Variants in KCNK12 observed in about 807,000 individuals in gnomAD.
KCNK12 encodes the protein potassium channel subfamily K member 12.
KCNK12 carries 6 observed loss-of-function variants against 25.3 expected under a neutral mutation model. The ratio of observed to expected loss-of-function variants is 0.24; its 90% CI spans 0.13 to 0.47. KCNK12 has a LOEUF of 0.47. Ranked by LOEUF, KCNK12 falls within the 20% of genes least tolerant of loss-of-function variation. The pLI, the probability that KCNK12 is intolerant of heterozygous loss-of-function variation, is 0.99. For synonymous variants in KCNK12, 331 were observed against 311.1 expected (o/e 1.06, Z -0.67); for missense variants, 444 against 661.7 (o/e 0.67, Z 3.61).
rs1558541694 is a variant in KCNK12 at position 47,511,990 on chromosome 2, T to C, written c.*8917A>G. Reference sequence around the variant, plus strand: ...TGGACTGTGCAGTTCTGGAGAATGGTACTTTACTTGTCCTTGGGGAAGCAG... The same window carrying C: ...TGGACTGTGCAGTTCTGGAGAATGGCACTTTACTTGTCCTTGGGGAAGCAG... On this transcript the variant is annotated 3_prime_UTR_variant, in exon 2 of 2. Transcript: ENST00000327876. The surrounding 1 kb of genome is among the most constrained non-coding windows in gnomAD (Gnocchi z 4.3). Among the ~76,000 whole-genome samples the C allele has an allele frequency of 1.3e-5, 2 of 152,150 alleles. No individual in the cohort carries two copies. Among genetic ancestry groups the C allele is most frequent in the African/African-American group, 4.8e-5 (2 of 41,436 alleles).
At position 47,557,260 on chromosome 2, in the gene KCNK12, G is replaced by T. The variant is rs1387933171; in HGVS notation, c.391+12681C>A. Among the ~76,000 whole-genome samples, 3 of 152,138 alleles carry T rather than the reference G, an allele frequency of 2.0e-5. No individual in the cohort carries two copies. Among genetic ancestry groups the T allele is most frequent in the Non-Finnish European group, 4.4e-5 (3 of 68,018 alleles). ...GATTAATGTCATCATCACTGGAGTG[G>T]GTTGGTTATTGCGGGAGTGGGCTCC... On this transcript the variant is annotated intron_variant, in intron 1 of 1. Transcript: ENST00000327876. The surrounding 1 kb of genome is among the most constrained non-coding windows in gnomAD (Gnocchi z 4.9).
rs747297053 is a variant in KCNK12, at chr2:47,525,521, G to A, written c.392-3713C>T. 3.3e-5 allele frequency among the ~76,000 whole-genome samples: 5 copies of A among 152,204 alleles called. No homozygotes were observed. The highest frequency in any genetic ancestry group is 5.9e-5 in the Non-Finnish European group (4 of 68,020). ...TTCTCTGGGTGGGAGGCTGACTGGG[G>A]CAGCCCCCACAGGCAGGGGAGGAAG... On this transcript the variant is annotated intron_variant, in intron 1 of 1. Coordinates refer to ENST00000327876, the MANE Select transcript of KCNK12 (RefSeq NM_022055.2). The surrounding 1 kb of genome is among the most constrained non-coding windows in gnomAD (Gnocchi z 4.1).
At chr2:47,535,023 G>A in intron 1 of KCNK12, 1 of 227,906 alleles carries the variant, frequency 4.4e-6, no homozygotes, top group Non-Finnish European at 8.7e-6. Context: ...CCACATCTGG[G>A]GGCGCTCAGT....
chr2:47,550,638 C>T (rs982067725), intron 1 of KCNK12, among the ~76,000 whole-genome samples: 2 of 152,068 alleles, frequency 1.3e-5, no homozygotes, highest in Non-Finnish European at 2.9e-5. Context: ...CCGCCTCGGC[C>T]TCCCAAAGTG....
At chr2:47,541,242 C>T (rs1325011758) in intron 1 of KCNK12, among the ~76,000 whole-genome samples, 1 of 152,204 alleles carries the variant, frequency 6.6e-6, no homozygotes, top group Non-Finnish European at 1.5e-5. Context: ...CTGTTGGGAG[C>T]CTGCTATGGC....
Position 47,514,250 on chromosome 2 carries a change from G to A in KCNK12, c.*6657C>T, listed in dbSNP as rs1343960620. ...CTGAGAGCCTTCTCTGCCTACCCAG[G>A]CTGGGTGGCTGCCTCTCTTTGGTGT... On this transcript the variant is annotated 3_prime_UTR_variant, in exon 2 of 2. Transcript: ENST00000327876. This position sits in a 1 kb window ranked among gnomAD's most constrained non-coding sequence, Gnocchi z 5.0. Among the ~76,000 whole-genome samples the A allele has an allele frequency of 6.6e-6, 1 of 152,228 alleles. No homozygotes were observed. Among genetic ancestry groups the A allele is most frequent in the Non-Finnish European group, 1.5e-5 (1 of 68,050 alleles).
In KCNK12 at chr2:47,548,669, C is replaced by A. The variant is rs1313259569; in HGVS notation, c.391+21272G>T. On this transcript the variant is annotated intron_variant, in intron 1 of 1. Coordinates refer to ENST00000327876, the MANE Select transcript of KCNK12 (RefSeq NM_022055.2). The surrounding 1 kb of genome is among the most constrained non-coding windows in gnomAD (Gnocchi z 4.4). The stretch of plus-strand genomic sequence containing the variant: ...AGACTTCCCTCCCACCATAATCAAC[C>A]AGGAAACCGGAAAAAGTCTATGAGA... Among the ~76,000 whole-genome samples, 2 of 152,220 alleles carry A rather than the reference C, an allele frequency of 1.3e-5. No individual in the cohort carries two copies. Among genetic ancestry groups the A allele is most frequent in the African/African-American group, 4.8e-5 (2 of 41,450 alleles).
rs369292759 is a variant in KCNK12, at chr2:47,553,171, C to T, written c.391+16770G>A. 4.2e-4 allele frequency among the ~76,000 whole-genome samples: 64 copies of T among 152,348 alleles called. 1 individual carries two copies. In the South Asian group the frequency reaches 0.013, roughly 30 times the overall value. ...GACCTCATTGCAAGAGTATATAGCT[C>T]TTCAGTCCAATGTGACGAATTCTGC... On this transcript the variant is annotated intron_variant, in intron 1 of 1. Coordinates refer to ENST00000327876, the MANE Select transcript of KCNK12 (RefSeq NM_022055.2).
At chr2:47,561,490 CA>C (rs2104885355) in intron 1 of KCNK12, among the ~76,000 whole-genome samples, 1 of 152,282 alleles carries the variant, frequency 6.6e-6, no homozygotes, top group South Asian at 2.1e-4. Flanking sequence ...TGCCACACAG[CA>C]GGGGGGCTGA....
intron 1 of KCNK12, 51 bp from the exon 2 acceptor site, chr2:47,521,859 C>T (rs1295335147): frequency 6.9e-7 from 1 of 1,441,748 alleles, no homozygotes; most frequent in Non-Finnish European, 9.1e-7. Context: ...AGGTGGTCCT[C>T]ACTGGGCGAG....
intron 1 of KCNK12, among the ~76,000 whole-genome samples, chr2:47,532,137 G>T (rs1156764141): frequency 6.6e-6 from 1 of 151,748 alleles, no homozygotes; most frequent in African/African-American, 2.4e-5. Context: ...AGGCATTAGG[G>T]ATACAGCTTT....
At position 47,515,167 on chromosome 2, in the gene KCNK12, C is replaced by G. The variant is rs187006275; in HGVS notation, c.*5740G>C. The stretch of plus-strand genomic sequence containing the variant: ...AACAGAGAGGAGAGCTGATGGGTGA[C>G]GAGAAATCAGGCCTCTCCGCCACGG... On this transcript the variant is annotated 3_prime_UTR_variant, in exon 2 of 2. Coordinates refer to ENST00000327876, the MANE Select transcript of KCNK12 (RefSeq NM_022055.2). 1.4e-4 allele frequency among the ~76,000 whole-genome samples: 22 copies of G among 152,262 alleles called. No individual in the cohort carries two copies. Among genetic ancestry groups the G allele is most frequent in the Non-Finnish European group, 2.9e-4 (20 of 68,022 alleles).
At chr2:47,554,504 C>T (rs995297651) in intron 1 of KCNK12, among the ~76,000 whole-genome samples, 1 of 152,182 alleles carries the variant, frequency 6.6e-6, no homozygotes, top group African/African-American at 2.4e-5. Context: ...GCAGCAGGAA[C>T]AGCAAGTGTT....
In KCNK12 at chr2:47,509,329, A is replaced by G. The variant is rs1236292099; in HGVS notation, c.*11578T>C. Among the ~76,000 whole-genome samples, 1 of 152,216 alleles carries G rather than the reference A, an allele frequency of 6.6e-6. No individual in the cohort carries two copies. The highest frequency in any genetic ancestry group is 1.5e-5 in the Non-Finnish European group (1 of 68,040). On this transcript the variant is annotated 3_prime_UTR_variant, in exon 2 of 2. Coordinates refer to ENST00000327876, the MANE Select transcript of KCNK12 (RefSeq NM_022055.2). The stretch of plus-strand genomic sequence containing the variant: ...AAAAAGTTTTATTGCCAAACAGGAA[A>G]CCTGATTCAGGCCAGGGTCTTGGAA...
chr2:47,512,303 A>T lies in KCNK12; in HGVS notation c.*8604T>A. The stretch of plus-strand genomic sequence containing the variant: ...TCTCCTCTCTTCTCCTTCCTTTCAG[A>T]ACCTCAGAGTGACAGAGCCAAAAGA... On this transcript the variant is annotated 3_prime_UTR_variant, in exon 2 of 2. Coordinates refer to ENST00000327876, the MANE Select transcript of KCNK12 (RefSeq NM_022055.2). The T allele has an allele frequency of 6.2e-7, 1 of 1,612,388 alleles. No individual in the cohort carries two copies. The highest frequency in any genetic ancestry group is 8.5e-7 in the Non-Finnish European group (1 of 1,179,750).
intron 1 of KCNK12, chr2:47,567,100 T>G (rs1438933191): frequency 6.6e-6 from 1 of 152,272 alleles, no homozygotes; most frequent in Non-Finnish European, 1.5e-5. Flanking sequence ...AATACTAAAG[T>G]CTAGATGAAT....
rs1272158491 is a variant in KCNK12 at position 47,520,250 on chromosome 2, ACT to A, written c.*655_*656del. 1.3e-5 allele frequency: 2 copies of A among 152,126 alleles called. No homozygotes were observed. Among genetic ancestry groups the A allele is most frequent in the African/African-American group, 4.8e-5 (2 of 41,396 alleles). 9.4% of individuals were successfully genotyped at this position (152,126 alleles called of 1,614,324 possible). A position where few individuals can be genotyped will look rare whatever the true frequency, so the allele number is the denominator to read the frequency against. On this transcript the variant is annotated 3_prime_UTR_variant, in exon 2 of 2. Coordinates refer to ENST00000327876, the MANE Select transcript of KCNK12 (RefSeq NM_022055.2). This position sits in a 1 kb window ranked among gnomAD's most constrained non-coding sequence, Gnocchi z 5.0. ...CCTGTGCTCTGTGCTAAATGGACTA[ACT>A]CTGAGCTGAGAAAGGCCAGCTAAGC... is the stretch of plus-strand genomic sequence containing the variant.
chr2:47,541,006 G>A (rs1213578247), intron 1 of KCNK12, among the ~76,000 whole-genome samples: 1 of 152,180 alleles, frequency 6.6e-6, no homozygotes, highest in Admixed American at 6.5e-5. Context: ...CAGAATCTGA[G>A]GTGCTGGTTT....
Position 47,521,109 on chromosome 2 carries a change from A to AGGC in KCNK12, c.1088_1090dup (p.Arg363dup). 1 of 1,289,694 alleles carries AGGC rather than the reference A, an allele frequency of 7.8e-7. No homozygotes were observed. The highest frequency in any genetic ancestry group is 3.1e-5 in the East Asian group (1 of 31,944). 79.9% of individuals were successfully genotyped at this position (1,289,694 alleles called of 1,614,324 possible). A position where few individuals can be genotyped will look rare whatever the true frequency, so the allele number is the denominator to read the frequency against. On this transcript the variant is annotated inframe_insertion, in exon 2 of 2. Transcript: ENST00000327876. ...GCGCATGGAGATGAGCTCGCCCGAG[A>AGGC]GGCGGCGGCCCTCGGCGTCGCTGTC...
Sources: allele counts gnomAD v4.1 joint callset (sites outside exome capture counted in the v4.1 genomes callset), GRCh38; gene constraint gnomAD v4.1.1; non-coding constraint Gnocchi (gnomAD v3.1); transcripts MANE v1.5; gene names NCBI Gene and HGNC (gene_info 2026-07-23, HGNC 2026-07-21).